Variants in LRRTM3 observed in about 807,000 individuals in gnomAD.
LRRTM3 encodes leucine-rich repeat transmembrane neuronal protein 3.
LRRTM3 carries 24 observed loss-of-function variants against 44.7 expected under a neutral mutation model. The ratio of observed to expected loss-of-function variants is 0.54; its 90% CI spans 0.39 to 0.76. LRRTM3 has a LOEUF of 0.76. LRRTM3 is among the 30% of genes least tolerant of loss of function. LRRTM3 has a pLI of 0.00. For missense variants in LRRTM3, 587 were observed against 702.2 expected (o/e 0.84, Z 1.85); for synonymous variants, 277 against 278.7 (o/e 0.99, Z 0.06).
intron 2 of LRRTM3, among the ~76,000 whole-genome samples, chr10:67,012,765 A>T (rs918460387): frequency 2.6e-5 from 4 of 152,104 alleles, no homozygotes; most frequent in Non-Finnish European, 5.9e-5. Flanking sequence ...TAAAATGATC[A>T]AGATTTTTGT....
chr10:66,955,723 T>C (rs1305478250), intron 2 of LRRTM3, among the ~76,000 whole-genome samples: 1 of 152,158 alleles, frequency 6.6e-6, no homozygotes, highest in Non-Finnish European at 1.5e-5. Context: ...CAGCCTCCAT[T>C]GTTCTTCCTC....
chr10:66,942,961 G>A (rs1564784568), intron 2 of LRRTM3, among the ~76,000 whole-genome samples: 1 of 152,198 alleles, frequency 6.6e-6, no homozygotes, highest in Non-Finnish European at 1.5e-5. Flanking sequence ...CCTATAATGT[G>A]CAGGCACATA....
At chr10:67,042,536 T>TCC (rs1482082059) in intron 2 of LRRTM3, among the ~76,000 whole-genome samples, 61 of 152,070 alleles carry the variant, frequency 4.0e-4, no homozygotes, top group Non-Finnish European at 7.9e-4. Flanking sequence ...TGGCAGTGGA[T>TCC]CAAATAGTGT....
At chr10:67,001,818 T>C (rs1851705490) in intron 2 of LRRTM3, among the ~76,000 whole-genome samples, 1 of 152,164 alleles carries the variant, frequency 6.6e-6, no homozygotes, top group Non-Finnish European at 1.5e-5. Context: ...ACCCACCAGT[T>C]TCTACTGACT....
chr10:66,987,614 T>C (rs546522188), intron 2 of LRRTM3, among the ~76,000 whole-genome samples: 11 of 152,330 alleles, frequency 7.2e-5, no homozygotes, highest in South Asian at 6.2e-4. Flanking sequence ...CCAAGAATCA[T>C]TGAGGAAATG....
chr10:66,975,214 A>C (rs1247190207), intron 2 of LRRTM3, among the ~76,000 whole-genome samples: 3 of 152,210 alleles, frequency 2.0e-5, no homozygotes, highest in Non-Finnish European at 2.9e-5. Flanking sequence ...TTATTTGATA[A>C]GAGGGAACAC....
At chr10:67,032,443 C>T (rs12098475) in intron 2 of LRRTM3, among the ~76,000 whole-genome samples, 2,721 of 151,920 alleles carry the variant, frequency 0.018, 79 homozygotes, top group African/African-American at 0.061. Context: ...GTTTGTTTTA[C>T]AAAATTTAAG....
intron 2 of LRRTM3, among the ~76,000 whole-genome samples, chr10:66,937,837 T>C (rs1317837453): frequency 6.6e-6 from 1 of 152,166 alleles, no homozygotes; most frequent in Non-Finnish European, 1.5e-5. Context: ...CCAGAATAGA[T>C]CAAATTCTGC....
chr10:67,079,667 G>C (rs2131874637), intron 2 of LRRTM3, among the ~76,000 whole-genome samples: 1 of 152,126 alleles, frequency 6.6e-6, no homozygotes, highest in African/African-American at 2.4e-5. Context: ...GGCCAATATA[G>C]TGAAACCCCA....
intron 2 of LRRTM3, among the ~76,000 whole-genome samples, chr10:67,051,318 CT>C (rs1252895939): frequency 5.9e-5 from 9 of 152,114 alleles, no homozygotes; most frequent in Non-Finnish European, 1.3e-4. Flanking sequence ...CACAATTGTA[CT>C]CTATGTCTTA....
At chr10:66,982,595 T>C (rs1850503288) in intron 2 of LRRTM3, among the ~76,000 whole-genome samples, 1 of 152,078 alleles carries the variant, frequency 6.6e-6, no homozygotes, top group African/African-American at 2.4e-5. Context: ...AAACAGTAGG[T>C]ACTGAAATTA....
chr10:67,053,779 TG>T (rs1368091334), intron 2 of LRRTM3, among the ~76,000 whole-genome samples: 2 of 152,174 alleles, frequency 1.3e-5, no homozygotes, highest in African/African-American at 4.8e-5. Context: ...AATTGCAAGA[TG>T]GAATTGACTC....
chr10:66,984,793 T>C (rs1850635305), intron 2 of LRRTM3, among the ~76,000 whole-genome samples: 1 of 152,222 alleles, frequency 6.6e-6, no homozygotes, highest in South Asian at 2.1e-4. Flanking sequence ...TTGGTAATTT[T>C]CCTTTCACTT....
intron 2 of LRRTM3, among the ~76,000 whole-genome samples, chr10:67,067,977 T>G (rs1856196516): frequency 6.6e-6 from 1 of 152,174 alleles, no homozygotes; most frequent in Non-Finnish European, 1.5e-5. Flanking sequence ...AAACCCACAT[T>G]TAAACCAAGT....
chr10:66,960,956 T>TTA (rs1849076737), intron 2 of LRRTM3, among the ~76,000 whole-genome samples: 2 of 152,158 alleles, frequency 1.3e-5, no homozygotes, highest in Non-Finnish European at 2.9e-5. Flanking sequence ...TCACAAGGGA[T>TTA]CCTTTCTGAG....
intron 2 of LRRTM3, among the ~76,000 whole-genome samples, chr10:67,046,944 A>ACTATATGTTTG (rs1854789805): frequency 2.6e-5 from 4 of 152,236 alleles, no homozygotes; most frequent in Non-Finnish European, 5.9e-5. Context: ...TAGGTAAAGA[A>ACTATATGTTTG]GAAATAATTA....
Position 66,928,189 on chromosome 10 carries a change from G to C in LRRTM3, c.1273G>C (p.Val425Leu). 1.2e-6 allele frequency: 2 copies of C among 1,614,072 alleles called. No homozygotes were observed. The highest frequency in any genetic ancestry group is 1.7e-6 in the Non-Finnish European group (2 of 1,180,032). The change falls in exon 2 of 3, where the codon GTG (valine) becomes CTG (leucine). Residue 425 changes from valine to leucine, a missense_variant. By Grantham distance (32) the Val-to-Leu change is conservative. Transcript: ENST00000361320. ...TTTCCATAAAATCATCGCGGGCAGC[G>C]TGGCGCTTTTCCTGTCCGTGCTCGT... ...ISFHKIIAGS[V>L]ALFLSVLVIL...
chr10:67,020,417 G>C (rs1206656962), intron 2 of LRRTM3, among the ~76,000 whole-genome samples: 1 of 152,126 alleles, frequency 6.6e-6, no homozygotes, highest in East Asian at 1.9e-4. Flanking sequence ...ATGGATGGCA[G>C]CAGGGATATT....
intron 2 of LRRTM3, among the ~76,000 whole-genome samples, chr10:67,027,873 T>G (rs1853487550): frequency 1.3e-5 from 2 of 152,234 alleles, no homozygotes; most frequent in Admixed American, 1.3e-4. Context: ...TGTTTGCTTC[T>G]GAATGATAAG....
Sources: allele counts gnomAD v4.1 joint callset (sites outside exome capture counted in the v4.1 genomes callset), GRCh38; gene constraint gnomAD v4.1.1; transcripts MANE v1.5; gene names NCBI Gene and HGNC (gene_info 2026-07-23, HGNC 2026-07-21).